PCDHGA1: variants seen among roughly 807,000 people sequenced by gnomAD.
PCDHGA1 encodes the protein protocadherin gamma-A1.
A neutral mutation model predicts 58.0 loss-of-function variants in PCDHGA1; 32 were observed. The observed-to-expected ratio is 0.55, with a 90% CI of 0.42 to 0.74. The LOEUF (loss-of-function observed/expected upper bound fraction) is 0.74. Among genes scored for constraint, PCDHGA1 ranks in the 30% least tolerant of loss-of-function variants. The pLI is 0.00. For missense variants in PCDHGA1, 1,205 were observed against 1,182.3 expected, an observed-to-expected ratio of 1.02 and a Z score of -0.28; for synonymous variants, 498 against 501.1, an observed-to-expected ratio of 0.99 and a Z score of 0.08.
intron 1 of PCDHGA1, chr5:141,385,537 T>A (rs1486400401): frequency 1.5e-6 from 2 of 1,341,418 alleles, no homozygotes; most frequent in Non-Finnish European, 1.9e-6. Flanking sequence ...ATTATGAATA[T>A]GTGGACTATC....
At chr5:141,441,615 G>A in intron 1 of PCDHGA1, 1 of 219,248 alleles carries the variant, frequency 4.6e-6, no homozygotes, top group Non-Finnish European at 9.2e-6. Context: ...TTCCATCGTG[G>A]CCAGTGACCT....
At chr5:141,465,094 GT>G (rs138941665) in intron 1 of PCDHGA1, among the ~76,000 whole-genome samples, 203 of 148,178 alleles carry the variant, frequency 1.4e-3, no homozygotes, top group Admixed American at 7.3e-3. Context: ...TTTTCTAGTA[GT>G]TTTTTTTTTA....
chr5:141,338,047 C>A (rs1308051492), intron 1 of PCDHGA1, among the ~76,000 whole-genome samples: 1 of 152,168 alleles, frequency 6.6e-6, no homozygotes, highest in East Asian at 1.9e-4. Flanking sequence ...TTTTATGATT[C>A]AGCTTCAATC....
In PCDHGA1 at chr5:141,432,413, G is replaced by A; in HGVS notation, c.2422-62394G>A. 1.2e-6 allele frequency: 2 copies of A among 1,614,232 alleles called. No homozygotes were observed. The highest frequency in any genetic ancestry group is 2.2e-5 in the South Asian group (2 of 91,082). Reference sequence around the variant, plus strand: ...CAGCAACGTGTCGTTGAGCCTGTTCGTGCTGGACCAGAACGACAATGCGCC... The same window carrying A: ...CAGCAACGTGTCGTTGAGCCTGTTCATGCTGGACCAGAACGACAATGCGCC... On this transcript the variant is annotated intron_variant, in intron 1 of 3. Coordinates refer to ENST00000517417, the MANE Select transcript of PCDHGA1 (RefSeq NM_018912.3). The surrounding 1 kb of genome is among the most constrained non-coding windows in gnomAD (Gnocchi z 6.0).
intron 1 of PCDHGA1, chr5:141,404,627 G>GC (rs2094548617): frequency 6.2e-7 from 1 of 1,614,026 alleles, no homozygotes; most frequent in Non-Finnish European, 8.5e-7. Flanking sequence ...GAATGACAAT[G>GC]CCCCAGAAAT....
intron 1 of PCDHGA1, chr5:141,382,891 A>C (rs1428861059): frequency 6.5e-7 from 1 of 1,533,794 alleles, no homozygotes; most frequent in Non-Finnish European, 8.8e-7. Flanking sequence ...CAAGAGAAGC[A>C]GGACGACTAT....
chr5:141,494,752 T>C (rs889400984), intron 1 of PCDHGA1, 55 bp from the exon 2 acceptor site: 18 of 1,612,206 alleles, frequency 1.1e-5, no homozygotes, highest in Non-Finnish European at 1.5e-5. Context: ...GGGGCTCGGG[T>C]GACATTCTAA....
At chr5:141,403,276 C>A in intron 1 of PCDHGA1, 2 of 1,613,844 alleles carry the variant, frequency 1.2e-6, no homozygotes, top group South Asian at 2.2e-5. Flanking sequence ...ACTTTAAAGT[C>A]CTGGTTGAAG....
rs766014216 is a variant in PCDHGA1 at position 141,330,785 on chromosome 5, C to T, written c.101C>T (p.Ser34Leu). The T allele has an allele frequency of 1.2e-6, 2 of 1,614,100 alleles. No homozygotes were observed. The highest frequency in any genetic ancestry group is 1.3e-5 in the African/African-American group (1 of 74,930). The change falls in exon 1 of 4, where the codon TCA (serine) becomes TTA (leucine). Residue 34 changes from serine (S) to leucine (L), a missense_variant. By Grantham distance (145) the Ser-to-Leu change is moderately radical. Transcript: ENST00000517417. Reference protein sequence around the residue: ...LEAGAGNIHYSVPEETDKGSF... With the variant: ...LEAGAGNIHYLVPEETDKGSF... The stretch of plus-strand genomic sequence containing the variant: ...GCTGGGGCTGGGAATATTCACTACT[C>T]AGTGCCGGAAGAGACAGACAAAGGT...
rs758099753 is a variant in PCDHGA1, at chr5:141,432,129, A to G, written c.2422-62678A>G. The G allele has an allele frequency of 5.6e-6, 9 of 1,614,054 alleles. No homozygotes were observed. The highest frequency in any genetic ancestry group is 5.5e-5 in the South Asian group (5 of 91,056). On this transcript the variant is annotated intron_variant, in intron 1 of 3. Transcript: ENST00000517417. The surrounding 1 kb of genome is among the most constrained non-coding windows in gnomAD (Gnocchi z 6.0). Reference sequence around the variant, plus strand: ...CCGCCGGTCTTCCCTCAGGCCTCCTATTCCGCTTATATCCCAGAGAACAAT... The same window carrying G: ...CCGCCGGTCTTCCCTCAGGCCTCCTGTTCCGCTTATATCCCAGAGAACAAT...
intron 1 of PCDHGA1, among the ~76,000 whole-genome samples, chr5:141,454,250 C>T (rs1453631901): frequency 6.6e-6 from 1 of 151,974 alleles, no homozygotes; most frequent in African/African-American, 2.4e-5. Context: ...TGAAGATGTC[C>T]CAGAGAAAGT....
intron 1 of PCDHGA1, among the ~76,000 whole-genome samples, chr5:141,337,563 T>C (rs1756691387): frequency 6.6e-6 from 1 of 152,218 alleles, no homozygotes; most frequent in Non-Finnish European, 1.5e-5. Flanking sequence ...ATGAAGTTCC[T>C]AGATTAGTCA....
chr5:141,422,539 C>G, intron 1 of PCDHGA1: 1 of 1,613,994 alleles, frequency 6.2e-7, no homozygotes, highest in Non-Finnish European at 8.5e-7. Flanking sequence ...TGCAGAAACT[C>G]ATGTCTGGCT....
At chr5:141,404,108 A>G (rs537875169) in intron 1 of PCDHGA1, 22 of 1,613,436 alleles carry the variant, frequency 1.4e-5, no homozygotes, top group South Asian at 6.6e-5. Context: ...TGTCTGTTCT[A>G]TCCAGGAGAA....
intron 1 of PCDHGA1, 78 bp from the exon 2 acceptor site, chr5:141,494,729 C>CG: frequency 6.2e-7 from 1 of 1,610,168 alleles, no homozygotes; most frequent in South Asian, 1.1e-5. Context: ...CCTTCTCTCC[C>CG]GGCCCATCCC....
At chr5:141,384,266 C>T in intron 1 of PCDHGA1, 1 of 1,613,876 alleles carries the variant, frequency 6.2e-7, no homozygotes. Context: ...CCCCACTCAT[C>T]CTACTCAGTC....
chr5:141,346,371 A>T, intron 1 of PCDHGA1: 1 of 1,613,258 alleles, frequency 6.2e-7, no homozygotes, highest in South Asian at 1.1e-5. Context: ...GGACACGCTC[A>T]TCAGCCAGGA....
intron 1 of PCDHGA1, chr5:141,399,376 A>G: frequency 6.2e-7 from 1 of 1,613,956 alleles, no homozygotes; most frequent in Non-Finnish European, 8.5e-7. Flanking sequence ...GTACAATGTC[A>G]CCATCACAGC....
chr5:141,387,570 A>G, intron 1 of PCDHGA1: 1 of 455,170 alleles, frequency 2.2e-6, no homozygotes, highest in South Asian at 4.2e-5. Flanking sequence ...CACAATTATA[A>G]TTATTGCACT....
Sources: gnomAD v4.1 joint callset for allele counts (sites outside exome capture counted in the v4.1 genomes callset) on GRCh38, gnomAD v4.1.1 for gene constraint, Gnocchi (gnomAD v3.1) non-coding constraint, MANE v1.5 for transcripts, NCBI Gene and HGNC (gene_info 2026-07-23, HGNC 2026-07-21) for gene names.